BRWD1: variants seen among roughly 807,000 people sequenced by gnomAD.
BRWD1 encodes the protein bromodomain and WD repeat-containing protein 1.
Under a neutral mutation model 251.2 loss-of-function variants are expected in BRWD1, and 82 were observed. The observed-to-expected ratio is 0.33, with a 90% confidence interval of 0.27 to 0.39. The LOEUF is 0.39. BRWD1 is among the 10% of genes least tolerant of loss of function. BRWD1 has a pLI of 1.00. For synonymous variants in BRWD1, 918 were observed against 902.8 expected, an observed-to-expected ratio of 1.02 and a Z score of -0.30; for missense variants, 2,233 against 2,711.6, an observed-to-expected ratio of 0.82 and a Z score of 3.92.
In BRWD1 at chr21:39,187,223, C is replaced by G; in HGVS notation, c.*9036G>C. The G allele has an allele frequency of 1.9e-6, 3 of 1,613,386 alleles. No individual in the cohort carries two copies. Among genetic ancestry groups the G allele is most frequent in the Non-Finnish European group, 2.5e-6 (3 of 1,179,814 alleles). On this transcript the variant is annotated 3_prime_UTR_variant, in exon 41 of 41. Transcript: ENST00000342449. ...CTACTCTTCCTAATCCAGACATTTT[C>G]TGGTCCTGAGATCGTTTCTTTTAGA...
At chr21:39,280,553 A>C (rs2035424113) in intron 8 of BRWD1, among the ~76,000 whole-genome samples, 2 of 152,204 alleles carry the variant, frequency 1.3e-5, no homozygotes, top group Non-Finnish European at 2.9e-5. Context: ...ATGATCAGAC[A>C]AAACAGGGTA....
At chr21:39,298,612 A>G in intron 4 of BRWD1, 30 bp from the exon 5 acceptor site, 2 of 1,524,178 alleles carry the variant, frequency 1.3e-6, no homozygotes, top group Non-Finnish European at 8.8e-7. Context: ...TAATGACAAC[A>G]GCTTAATAAT....
At position 39,193,354 on chromosome 21, in the gene BRWD1, T is replaced by C. The variant is rs984131041; in HGVS notation, c.*2905A>G. On this transcript the variant is annotated 3_prime_UTR_variant, in exon 41 of 41. Coordinates refer to ENST00000342449, the MANE Select transcript of BRWD1 (RefSeq NM_033656.4). ...GCTGACCTTAGGAATTATTTGAATATGGGATAAACTTTTCCTTTTATTCAT... is the reference window on the plus strand; with the variant it reads ...GCTGACCTTAGGAATTATTTGAATACGGGATAAACTTTTCCTTTTATTCAT... The C allele has an allele frequency of 1.2e-5, 12 of 984,594 alleles. No individual in the cohort carries two copies. Among genetic ancestry groups the C allele is most frequent in the Non-Finnish European group, 1.4e-5 (12 of 829,210 alleles). The allele number at this position is 984,594 out of a possible 1,614,324, so 61.0% of individuals were successfully genotyped here.
chr21:39,261,140 G>A (rs1409278120), intron 17 of BRWD1, among the ~76,000 whole-genome samples: 1 of 152,112 alleles, frequency 6.6e-6, no homozygotes, highest in African/African-American at 2.4e-5. Context: ...CAGGGAAACT[G>A]CTTGAACCCC....
chr21:39,297,014 T>C, intron 5 of BRWD1: 1 of 985,388 alleles, frequency 1.0e-6, no homozygotes, highest in Non-Finnish European at 1.2e-6. Flanking sequence ...TTCCCTTCAT[T>C]GTAGGATCAC....
chr21:39,188,228 G>A lies in BRWD1; in HGVS notation c.*8031C>T. 4 of 985,350 alleles carry A rather than the reference G, an allele frequency of 4.1e-6. No homozygotes were observed. Among genetic ancestry groups the A allele is most frequent in the Non-Finnish European group, 4.8e-6 (4 of 829,912 alleles). 61.0% of individuals were successfully genotyped at this position (985,350 alleles called of 1,614,324 possible). ...AAGTTCACGGGCCCTTGAATTTTAG[G>A]TCTTTCTTGCAGCCATGAACAGTCA... On this transcript the variant is annotated 3_prime_UTR_variant, in exon 41 of 41. Transcript: ENST00000342449.
rs757178530 is a variant in BRWD1 at position 39,213,593 on chromosome 21, G to C, written c.3786-40C>G. 3.0e-6 allele frequency: 4 copies of C among 1,345,876 alleles called. No homozygotes were observed. The East Asian group carries it at 9.3e-5, about 31-fold the overall frequency. 83.4% of individuals were successfully genotyped at this position (1,345,876 alleles called of 1,614,324 possible). Reference sequence around the variant, plus strand: ...TTCACTTTAATAGTATGCAGATGTAGTGACTTGTTGGCAAGGATTCAAATT... The same window carrying C: ...TTCACTTTAATAGTATGCAGATGTACTGACTTGTTGGCAAGGATTCAAATT... On this transcript the variant is annotated intron_variant, in intron 32 of 40. Transcript: ENST00000342449.
intron 19 of BRWD1, among the ~76,000 whole-genome samples, chr21:39,251,952 G>A (rs961134544): frequency 6.6e-6 from 1 of 152,060 alleles, no homozygotes; most frequent in Non-Finnish European, 1.5e-5. Context: ...TATTAGCAAA[G>A]ATCATAGAGT....
intron 13 of BRWD1, among the ~76,000 whole-genome samples, chr21:39,272,304 A>ATT (rs1491262042): frequency 4.1e-5 from 5 of 122,958 alleles, no homozygotes; most frequent in African/African-American, 1.4e-4. Flanking sequence ...TAAAACTTAA[A>ATT]TAAATAAAAA....
In BRWD1 at chr21:39,187,351, G is replaced by A; in HGVS notation, c.*8908C>T. On this transcript the variant is annotated 3_prime_UTR_variant, in exon 41 of 41. Transcript: ENST00000342449. ...CAGAGTTTCACTAGGCATCTGCACT[G>A]CATCCTTCTGATTATGCATACATGT... The A allele has an allele frequency of 6.2e-7, 1 of 1,613,094 alleles. No individual in the cohort carries two copies.
Position 39,298,577 on chromosome 21 carries a change from C to A in BRWD1, c.204G>T (p.Leu68Phe), listed in dbSNP as rs1298598755. Reference protein sequence around the residue: ...EHNRSYEELVLSNKHVAPDHL... With the variant: ...EHNRSYEELVFSNKHVAPDHL... ...GATCAGGAGCCACATGCTTATTGGA[C>A]AAGACCTAGTTGGAGAGCAAGTTTT... Residue 68 changes from leucine to phenylalanine, a missense_variant, in exon 5 of 41, where the codon TTG becomes TTT. By Grantham distance (22) the Leu-to-Phe change is conservative (BLOSUM62 0). Coordinates refer to ENST00000342449, the MANE Select transcript of BRWD1 (RefSeq NM_033656.4). 6.3e-7 allele frequency: 1 copy of A among 1,589,200 alleles called. No homozygotes were observed.
At position 39,196,013 on chromosome 21, in the gene BRWD1, T is replaced by G; in HGVS notation, c.*246A>C. The stretch of plus-strand genomic sequence containing the variant: ...TATTTCAAACTCTTGCTATATGTAG[T>G]CAAATACTGTCAAAATAGATCTGCC... On this transcript the variant is annotated 3_prime_UTR_variant, in exon 41 of 41. Transcript: ENST00000342449. The G allele has an allele frequency of 8.3e-7, 1 of 1,209,330 alleles. No individual in the cohort carries two copies. Among genetic ancestry groups the G allele is most frequent in the Non-Finnish European group, 1.0e-6 (1 of 972,074 alleles). 74.9% of individuals were successfully genotyped at this position (1,209,330 alleles called of 1,614,324 possible). A position where few individuals can be genotyped will look rare whatever the true frequency, so the allele number is the denominator to read the frequency against.
intron 4 of BRWD1, among the ~76,000 whole-genome samples, chr21:39,309,152 G>A (rs905273497): frequency 6.6e-5 from 10 of 150,700 alleles, no homozygotes; most frequent in Non-Finnish European, 1.0e-4. Context: ...CCAGCCTGGC[G>A]ACAGAGTGAG....
chr21:39,295,594 T>C (rs2035941437), intron 7 of BRWD1, 149 bp downstream of exon 7: 4 of 501,516 alleles, frequency 8.0e-6, no homozygotes, highest in South Asian at 5.2e-5. Flanking sequence ...GAAGCACTTA[T>C]TAAAAATACA....
intron 29 of BRWD1, among the ~76,000 whole-genome samples, chr21:39,221,608 C>A (rs2033179901): frequency 6.6e-6 from 1 of 152,244 alleles, no homozygotes; most frequent in Middle Eastern, 3.4e-3. Flanking sequence ...ATATCCCAAA[C>A]TAATGGATAA....
intron 30 of BRWD1, 26 bp from the exon 31 acceptor site, chr21:39,218,298 T>A (rs774140294): frequency 1.3e-6 from 2 of 1,586,226 alleles, no homozygotes; most frequent in Admixed American, 3.9e-5. Context: ...GGAGAGTTTT[T>A]AATCAATAAA....
At chr21:39,210,651 C>A in intron 35 of BRWD1, 135 bp downstream of exon 35, 2 of 972,174 alleles carry the variant, frequency 2.1e-6, no homozygotes, top group Non-Finnish European at 2.9e-6. Flanking sequence ...ATACTTCTAC[C>A]ACTAACTTAG....
At chr21:39,253,732 T>A (rs979651224) in intron 19 of BRWD1, among the ~76,000 whole-genome samples, 1 of 152,182 alleles carries the variant, frequency 6.6e-6, no homozygotes, top group Non-Finnish European at 1.5e-5. Context: ...GTTAAACATA[T>A]AAAAACACAA....
rs904793621 is a variant in BRWD1 at position 39,189,267 on chromosome 21, G to A, written c.*6992C>T. Reference sequence around the variant, plus strand: ...TTTGGAAGAAAAGAACAGATAACTGGTTCATTCCCAACAACCTATTCATCC... The same window carrying A: ...TTTGGAAGAAAAGAACAGATAACTGATTCATTCCCAACAACCTATTCATCC... On this transcript the variant is annotated 3_prime_UTR_variant, in exon 41 of 41. Coordinates refer to ENST00000342449, the MANE Select transcript of BRWD1 (RefSeq NM_033656.4). 5.1e-6 allele frequency: 5 copies of A among 983,942 alleles called. No individual in the cohort carries two copies. In the African/African-American group the frequency reaches 8.7e-5, roughly 17 times the overall value. The allele number at this position is 983,942 out of a possible 1,614,324, so 61.0% of individuals were successfully genotyped here.
Sources: gnomAD v4.1 joint callset for allele counts (sites outside exome capture counted in the v4.1 genomes callset) on GRCh38, gnomAD v4.1.1 for gene constraint, MANE v1.5 for transcripts, NCBI Gene and HGNC (gene_info 2026-07-23, HGNC 2026-07-21) for gene names.